HRC: variants seen among roughly 807,000 people sequenced by gnomAD.
HRC encodes sarcoplasmic reticulum histidine-rich calcium-binding protein.
Under a neutral mutation model 61.4 loss-of-function variants are expected in HRC, and 41 were observed. The observed-to-expected ratio is 0.67, with a 90% CI of 0.52 to 0.87. The LOEUF (loss-of-function observed/expected upper bound fraction) is 0.87, where lower values mean the gene tolerates loss of function less well. HRC is among the 40% of genes least tolerant of loss of function. The probability of loss-of-function intolerance (pLI) is 0.00; values close to 1 mark genes in which losing one functional copy is unlikely to be tolerated. For synonymous variants in HRC, 308 were observed against 326.6 expected (o/e 0.94, Z 0.62); for missense variants, 839 against 885.8 (o/e 0.95, Z 0.67).
At position 49,153,764 on chromosome 19, in the gene HRC, G is replaced by T. The variant is rs771568819; in HGVS notation, c.1474C>A (p.Pro492Thr). The change falls in exon 1 of 6, where the codon CCC becomes ACC. Residue 492 changes from proline (P) to threonine (T), a missense_variant. Coordinates refer to ENST00000252825, the MANE Select transcript of HRC (RefSeq NM_002152.3). The surrounding 1 kb of genome is among the most constrained non-coding windows in gnomAD (Gnocchi z 4.8). ...SEEEKEKEED[P>T]GSHEEDDESS... ...TCATCGTCTTCCTCATGGGAGCCGG[G>T]GTCCTCTTCCTTCTCCTTTTCCTCC... is the stretch of plus-strand genomic sequence containing the variant. 6 of 1,613,932 alleles carry T rather than the reference G, an allele frequency of 3.7e-6. No individual in the cohort carries two copies. In the Admixed American group the frequency reaches 8.3e-5, roughly 22 times the overall value.
chr19:49,154,458 AT>A lies in HRC; in HGVS notation c.779del (p.Asp260ValfsTer115), dbSNP rs768536870. On this transcript the variant is annotated frameshift_variant, in exon 1 of 6. Transcript: ENST00000252825. LOFTEE classifies it high-confidence loss of function. The stretch of plus-strand genomic sequence containing the variant: ...GGTGTCTATATTCAATGGAGACATC[AT>A]CATCATCATCATCATCATCATCATC... ...DDDDDDDDDD[D>X]DVSIEYRHQA... 3 of 1,208,148 alleles carry A rather than the reference AT, an allele frequency of 2.5e-6. No homozygotes were observed. In the Admixed American group the frequency reaches 7.0e-5, roughly 28 times the overall value. The allele number at this position is 1,208,148 out of a possible 1,614,324, so 74.8% of individuals were successfully genotyped here. A position where few individuals can be genotyped will look rare whatever the true frequency, so the allele number is the denominator to read the frequency against.
At chr19:49,151,876 C>A in intron 4 of HRC, 128 bp downstream of exon 4, 1 of 914,054 alleles carries the variant, frequency 1.1e-6, no homozygotes, top group African/African-American at 1.6e-5. Context: ...GTGCTCAGAG[C>A]CTTGGCCACG....
At position 49,153,650 on chromosome 19, in the gene HRC, G is replaced by C; in HGVS notation, c.1588C>G (p.Leu530Val). The C allele has an allele frequency of 6.3e-7, 1 of 1,582,026 alleles. No homozygotes were observed. The highest frequency in any genetic ancestry group is 8.7e-7 in the Non-Finnish European group (1 of 1,152,448). ...EDEEEGHGLS[L>V]NQEEEEEEDK... ...TCCTCTTCTTCCTCCTCCTGGTTCA[G>C]GCTGAGGCCATGACCTTCCTCCTCA... The change falls in exon 1 of 6, where the codon CTG becomes GTG. Residue 530 changes from leucine (L) to valine (V), a missense_variant. Physicochemically the swap from Leu to Val is conservative, Grantham distance 32. Coordinates refer to ENST00000252825, the MANE Select transcript of HRC (RefSeq NM_002152.3). This position sits in a 1 kb window ranked among gnomAD's most constrained non-coding sequence, Gnocchi z 4.8.
Position 49,155,181 on chromosome 19 carries a change from G to A in HRC, c.57C>T (p.Ser19=), listed in dbSNP as rs145567121. The change falls in exon 1 of 6, where the codon AGC becomes AGT. Residue 19 remains serine, a synonymous_variant. Coordinates refer to ENST00000252825, the MANE Select transcript of HRC (RefSeq NM_002152.3). The surrounding 1 kb of genome is among the most constrained non-coding windows in gnomAD (Gnocchi z 4.7). ...GGGTCATGGCCGGGGGGAGGAGCAG[G>A]CTGGCCACCCCAGCCCAGAGGACAG... is the stretch of plus-strand genomic sequence containing the variant. ...HASVLWAGVA[S]LLLPPAMTQQ... The A allele has an allele frequency of 9.3e-3, 15,037 of 1,613,162 alleles. 102 individuals carry two copies. Among genetic ancestry groups the A allele is most frequent in the Middle Eastern group, 0.018 (106 of 5,988 alleles).
Position 49,154,682 on chromosome 19 carries a change from C to A in HRC, c.556G>T (p.Asp186Tyr), listed in dbSNP as rs111701766. 6.2e-7 allele frequency: 1 copy of A among 1,613,964 alleles called. No individual in the cohort carries two copies. The highest frequency in any genetic ancestry group is 2.2e-5 in the East Asian group (1 of 44,884). ...TCTTCTCCTTCATCATCTTCCCCATCATGGCCTCGGTGTCCATGCCTGAGG... is the reference window on the plus strand; with the variant it reads ...TCTTCTCCTTCATCATCTTCCCCATAATGGCCTCGGTGTCCATGCCTGAGG... ...HILRHGHRGH[D>Y]GEDDEGEEEE... The change falls in exon 1 of 6, where the codon GAT (aspartate) becomes TAT (tyrosine). Residue 186 changes from aspartate to tyrosine, a missense_variant. Physicochemically the swap from Asp to Tyr is radical, Grantham distance 160 (BLOSUM62 -3). Coordinates refer to ENST00000252825, the MANE Select transcript of HRC (RefSeq NM_002152.3).
rs373951589 is a variant in HRC at position 49,151,512 on chromosome 19, C to T, written c.2063+5G>A. On this transcript the variant is annotated splice_donor_5th_base_variant and intron_variant, in intron 5 of 5. Transcript: ENST00000252825. ...CTTTTACACGCTCCCCTTTTACACA[C>T]TTACTGATAAAGGGACGAGGAGAAA... 4.3e-6 allele frequency: 7 copies of T among 1,613,650 alleles called. No individual in the cohort carries two copies. The East Asian group carries it at 1.1e-4, about 26-fold the overall frequency.
Position 49,154,453 on chromosome 19 carries a change from A to AT in HRC, c.784_785insA (p.Val262AspfsTer4). On this transcript the variant is annotated frameshift_variant, in exon 1 of 6. Coordinates refer to ENST00000252825, the MANE Select transcript of HRC (RefSeq NM_002152.3). LOFTEE classifies it high-confidence loss of function. ...AGCCTGGTGTCTATATTCAATGGAG[A>AT]CATCATCATCATCATCATCATCATC... 1 of 1,558,218 alleles carries AT rather than the reference A, an allele frequency of 6.4e-7. No homozygotes were observed. The highest frequency in any genetic ancestry group is 8.7e-7 in the Non-Finnish European group (1 of 1,146,898).
At position 49,151,236 on chromosome 19, in the gene HRC, T is replaced by G; in HGVS notation, c.*60A>C. On this transcript the variant is annotated 3_prime_UTR_variant, in exon 6 of 6. Transcript: ENST00000252825. Reference sequence around the variant, plus strand: ...GTTTATTCGGAGAAATAAATATAGCTCGTGGAAAGGGGTTGGAAGGCAGGG... The same window carrying G: ...GTTTATTCGGAGAAATAAATATAGCGCGTGGAAAGGGGTTGGAAGGCAGGG... 7.3e-7 allele frequency: 1 copy of G among 1,369,732 alleles called. No homozygotes were observed. Among genetic ancestry groups the G allele is most frequent in the Non-Finnish European group, 1.0e-6 (1 of 1,003,782 alleles). The allele number at this position is 1,369,732 out of a possible 1,614,324, so 84.8% of individuals were successfully genotyped here.
rs2041388141 is a variant in HRC, at chr19:49,154,009, T to A, written c.1229A>T (p.Tyr410Phe). The A allele has an allele frequency of 6.2e-7, 1 of 1,613,954 alleles. No individual in the cohort carries two copies. The highest frequency in any genetic ancestry group is 2.2e-5 in the East Asian group (1 of 44,880). Residue 410 changes from tyrosine (Y) to phenylalanine (F), a missense_variant, in exon 1 of 6, where the codon TAT (tyrosine) becomes TTT (phenylalanine). By Grantham distance (22) the Tyr-to-Phe change is conservative. Transcript: ENST00000252825. Reference protein sequence around the residue: ...KSDEEDFQDEYKTEVPHHHHH... With the variant: ...KSDEEDFQDEFKTEVPHHHHH... ...GTGATGGTGAGGGACTTCTGTTTTA[T>A]ACTCATCTTGGAAGTCCTCTTCATC...
At chr19:49,151,399 C>A in intron 5 of HRC, 67 bp from the exon 6 acceptor site, 3 of 1,566,642 alleles carry the variant, frequency 1.9e-6, no homozygotes, top group South Asian at 2.3e-5. Context: ...GCTTAGAGAT[C>A]ATTAACCTGC....
intron 5 of HRC, 79 bp from the exon 6 acceptor site, chr19:49,151,411 C>A: frequency 6.4e-7 from 1 of 1,572,824 alleles, no homozygotes; most frequent in Non-Finnish European, 8.7e-7. Flanking sequence ...TTAACCTGCC[C>A]ATTTCATGGA....
chr19:49,153,600 T>TTCCTCC lies in HRC; in HGVS notation c.1632_1637dup (p.Glu546_Glu547dup), dbSNP rs375463350. The stretch of plus-strand genomic sequence containing the variant: ...TCTCTTCCCTCCTCTCCTCGTCTTC[T>TTCCTCC]TCCTCCTCCTCCTCCTCCTTGTCTT... On this transcript the variant is annotated inframe_insertion, in exon 1 of 6. Transcript: ENST00000252825. This position sits in a 1 kb window ranked among gnomAD's most constrained non-coding sequence, Gnocchi z 4.8. 3 of 1,526,540 alleles carry TTCCTCC rather than the reference T, an allele frequency of 2.0e-6. No individual in the cohort carries two copies. The highest frequency in any genetic ancestry group is 4.5e-5 in the East Asian group (2 of 44,254). 94.6% of individuals were successfully genotyped at this position (1,526,540 alleles called of 1,614,324 possible).
Position 49,155,007 on chromosome 19 carries a change from C to T in HRC, c.231G>A (p.Glu77=). The change falls in exon 1 of 6, where the codon GAG becomes GAA. Residue 77 remains glutamate, a synonymous_variant. Coordinates refer to ENST00000252825, the MANE Select transcript of HRC (RefSeq NM_002152.3). The surrounding 1 kb of genome is among the most constrained non-coding windows in gnomAD (Gnocchi z 4.7). Reference sequence around the variant, plus strand: ...GGTGGCTCCAGAAATGATGCCCATTCTCTGTGGAAACATCCTTGTTCTCAT... The same window carrying T: ...GGTGGCTCCAGAAATGATGCCCATTTTCTGTGGAAACATCCTTGTTCTCAT... The part of the protein sequence containing the change: ...HPDENKDVST[E]NGHHFWSHPD... The T allele has an allele frequency of 6.2e-7, 1 of 1,614,210 alleles. No homozygotes were observed. The highest frequency in any genetic ancestry group is 8.5e-7 in the Non-Finnish European group (1 of 1,180,038).
At position 49,151,662 on chromosome 19, in the gene HRC, A is replaced by C. The variant is rs1047537307; in HGVS notation, c.2027-109T>G. ...TGCTAGCTCCACCTCCTTTTCCCTA[A>C]TTCCTTCTTCCAACTGAATCCCTTC... On this transcript the variant is annotated intron_variant, in intron 4 of 5. Coordinates refer to ENST00000252825, the MANE Select transcript of HRC (RefSeq NM_002152.3). 7 of 986,122 alleles carry C rather than the reference A, an allele frequency of 7.1e-6. No individual in the cohort carries two copies. The Admixed American group carries it at 1.3e-4, about 18-fold the overall frequency. The allele number at this position is 986,122 out of a possible 1,614,324, so 61.1% of individuals were successfully genotyped here.
In HRC at chr19:49,152,358, G is replaced by A; in HGVS notation, c.1923C>T (p.Ser641=). Residue 641 remains serine, a synonymous_variant, in exon 3 of 6, where the codon AGC becomes AGT. Coordinates refer to ENST00000252825, the MANE Select transcript of HRC (RefSeq NM_002152.3). ...SFCNRCTECE[S]CHCDEENMGE... ...CCATGTTCTCCTCATCACAGTGACA[G>A]CTCTCACATTCAGTGCATCGCTGGG... The A allele has an allele frequency of 6.2e-7, 1 of 1,613,742 alleles. No homozygotes were observed.
rs768984957 is a variant in HRC at position 49,152,309 on chromosome 19, C to T, written c.1971+1G>A. On this transcript the variant is annotated splice_donor_variant, in intron 3 of 5. Coordinates refer to ENST00000252825, the MANE Select transcript of HRC (RefSeq NM_002152.3). LOFTEE classifies it high-confidence loss of function. The stretch of plus-strand genomic sequence containing the variant: ...GCCTTGAGTGTGAGGTGAGGTCTCA[C>T]CTGGCACTGGTCGCAGTGCTCACCC... 5.6e-6 allele frequency: 9 copies of T among 1,612,078 alleles called. No homozygotes were observed. The South Asian group carries it at 9.9e-5, about 18-fold the overall frequency.
Position 49,152,233 on chromosome 19 carries a change from T to G in HRC, c.1971+77A>C, listed in dbSNP as rs950622269. 23 of 1,412,280 alleles carry G rather than the reference T, an allele frequency of 1.6e-5. No homozygotes were observed. The African/African-American group carries it at 3.2e-4, about 20-fold the overall frequency. 87.5% of individuals were successfully genotyped at this position (1,412,280 alleles called of 1,614,324 possible). A position where few individuals can be genotyped will look rare whatever the true frequency, so the allele number is the denominator to read the frequency against. ...AAGGGGTTGGGTCAGAGGCCAGGAT[T>G]TAGGGCTGGGGGTCCTCAGAGGGTC... On this transcript the variant is annotated intron_variant, in intron 3 of 5. Coordinates refer to ENST00000252825, the MANE Select transcript of HRC (RefSeq NM_002152.3).
rs1225061852 is a variant in HRC, at chr19:49,155,046, A to G, written c.192T>C (p.Pro64=). 6.2e-7 allele frequency: 1 copy of G among 1,613,996 alleles called. No homozygotes were observed. Among genetic ancestry groups the G allele is most frequent in the Non-Finnish European group, 8.5e-7 (1 of 1,180,014 alleles). Reference sequence around the variant, plus strand: ...CCTTGTTCTCATCTGGATGGTCTCTAGGGCTGTGGAGGTGGTGGCGAAGCT... The same window carrying G: ...CCTTGTTCTCATCTGGATGGTCTCTGGGGCTGTGGAGGTGGTGGCGAAGCT... ...SAELRHHLHS[P]RDHPDENKDV... The change falls in exon 1 of 6, where the codon CCT becomes CCC. Residue 64 remains proline, a synonymous_variant. Transcript: ENST00000252825. This position sits in a 1 kb window ranked among gnomAD's most constrained non-coding sequence, Gnocchi z 4.7.
rs1053158883 is a variant in HRC, at chr19:49,155,044, C to G, written c.194G>C (p.Arg65Thr). ...ATCCTTGTTCTCATCTGGATGGTCTCTAGGGCTGTGGAGGTGGTGGCGAAG... is the reference window on the plus strand; with the variant it reads ...ATCCTTGTTCTCATCTGGATGGTCTGTAGGGCTGTGGAGGTGGTGGCGAAG... ...AELRHHLHSP[R>T]DHPDENKDVS... The change falls in exon 1 of 6, where the codon AGA becomes ACA. Residue 65 changes from arginine (R) to threonine (T), a missense_variant. Physicochemically the swap from Arg to Thr is moderately conservative, Grantham distance 71. Transcript: ENST00000252825. This position sits in a 1 kb window ranked among gnomAD's most constrained non-coding sequence, Gnocchi z 4.7. 1 of 1,614,120 alleles carries G rather than the reference C, an allele frequency of 6.2e-7. No homozygotes were observed.
Sources: gnomAD v4.1 joint callset for allele counts on GRCh38, gnomAD v4.1.1 for gene constraint, Gnocchi (gnomAD v3.1) non-coding constraint, MANE v1.5 for transcripts, NCBI Gene and HGNC (gene_info 2026-07-23, HGNC 2026-07-21) for gene names.